KIF16B: variants seen among roughly 807,000 people sequenced by gnomAD.
The protein encoded by KIF16B is kinesin-like protein KIF16B.
A neutral mutation model predicts 156.3 loss-of-function variants in KIF16B; 98 were observed. The observed-to-expected ratio is 0.63, with a 90% CI of 0.53 to 0.74. The LOEUF is 0.74. Ranked by LOEUF, KIF16B falls within the 30% of genes least tolerant of loss-of-function variation. The pLI is 0.00. For missense variants in KIF16B, 1,421 were observed against 1,606.5 expected (o/e 0.88, Z 1.97); for synonymous variants, 564 against 583.7 (o/e 0.97, Z 0.49).
intron 1 of KIF16B, among the ~76,000 whole-genome samples, chr20:16,540,594 T>C (rs921162333): frequency 2.0e-5 from 3 of 152,150 alleles, no homozygotes; most frequent in Admixed American, 2.0e-4. Flanking sequence ...CTGAGTATCC[T>C]CATGCACTGC....
At chr20:16,557,206 A>C (rs1600694780) in intron 1 of KIF16B, among the ~76,000 whole-genome samples, 1 of 151,588 alleles carries the variant, frequency 6.6e-6, no homozygotes, top group Non-Finnish European at 1.5e-5. Context: ...TTTGAGATGG[A>C]GTCTCTCTCT....
chr20:16,298,958 C>G (rs533315330), intron 25 of KIF16B, among the ~76,000 whole-genome samples: 1 of 151,156 alleles, frequency 6.6e-6, no homozygotes, highest in Admixed American at 6.6e-5. Context: ...ACCAGAAAGA[C>G]GTATCAACCA....
chr20:16,545,765 T>A (rs779218161), intron 1 of KIF16B, among the ~76,000 whole-genome samples: 2 of 152,224 alleles, frequency 1.3e-5, no homozygotes, highest in Non-Finnish European at 2.9e-5. Context: ...GACTATTCAA[T>A]GCCCAAAGAC....
chr20:16,501,572 G>A (rs555294436), intron 10 of KIF16B, among the ~76,000 whole-genome samples: 6 of 152,112 alleles, frequency 3.9e-5, no homozygotes, highest in East Asian at 1.9e-4. Flanking sequence ...AGCAGTAACA[G>A]CCCGAAATAG....
At chr20:16,294,336 G>C (rs187190436) in intron 25 of KIF16B, among the ~76,000 whole-genome samples, 124 of 152,316 alleles carry the variant, frequency 8.1e-4, no homozygotes, top group Non-Finnish European at 1.4e-3. Flanking sequence ...AGCAGAGCCT[G>C]AGGCAGTATT....
chr20:16,454,482 T>C (rs1266497770), intron 12 of KIF16B, among the ~76,000 whole-genome samples: 1 of 151,642 alleles, frequency 6.6e-6, no homozygotes, highest in East Asian at 1.9e-4. Context: ...GAAAGGTATA[T>C]ACAGATAAAC....
At chr20:16,308,963 A>C (rs554741024) in intron 25 of KIF16B, among the ~76,000 whole-genome samples, 2 of 152,358 alleles carry the variant, frequency 1.3e-5, no homozygotes, top group South Asian at 4.1e-4. Context: ...GAATGTCTGG[A>C]GCCTGGGAAG....
At chr20:16,543,430 C>T (rs1600665970) in intron 1 of KIF16B, among the ~76,000 whole-genome samples, 3 of 152,280 alleles carry the variant, frequency 2.0e-5, no homozygotes, top group Middle Eastern at 6.8e-3. Context: ...TGACTATTTT[C>T]CCACTTTTCC....
chr20:16,570,430 T>G (rs2071412592), intron 1 of KIF16B, among the ~76,000 whole-genome samples: 1 of 152,208 alleles, frequency 6.6e-6, no homozygotes, highest in South Asian at 2.1e-4. Context: ...TCCCTTATGC[T>G]TCCGTGATCA....
chr20:16,369,925 A>G (rs1464034276), intron 22 of KIF16B, among the ~76,000 whole-genome samples: 1 of 152,234 alleles, frequency 6.6e-6, no homozygotes, highest in African/African-American at 2.4e-5. Flanking sequence ...GAAAGATCAC[A>G]TCATTACTGG....
chr20:16,337,097 G>C (rs184396753), intron 23 of KIF16B, among the ~76,000 whole-genome samples: 224 of 152,292 alleles, frequency 1.5e-3, no homozygotes, highest in Non-Finnish European at 2.6e-3. Flanking sequence ...CCTGCCCACA[G>C]CAGCCTGTCT....
rs191867211 is a variant in KIF16B at position 16,279,243 on chromosome 20, G to T, written c.3796-5832C>A. 3.3e-5 allele frequency among the ~76,000 whole-genome samples: 5 copies of T among 152,242 alleles called. No homozygotes were observed. In the East Asian group the frequency reaches 9.7e-4, roughly 29 times the overall value. ...AGCTTTTCCCATGATATTCTGGGTG[G>T]ACACCTTACAGCCAAAGAGCTAATC... On this transcript the variant is annotated intron_variant, in intron 25 of 25. Transcript: ENST00000354981.
At chr20:16,426,683 T>C (rs974195955) in intron 15 of KIF16B, among the ~76,000 whole-genome samples, 4 of 152,034 alleles carry the variant, frequency 2.6e-5, no homozygotes, top group Admixed American at 2.6e-4. Context: ...GTCTATGATA[T>C]TGAAGTTATT....
At chr20:16,510,523 G>C (rs147904095) in intron 6 of KIF16B, among the ~76,000 whole-genome samples, 2,865 of 152,160 alleles carry the variant, frequency 0.019, 49 homozygotes, top group Non-Finnish European at 0.031. Context: ...GGTGGCAGGC[G>C]CCTGTAATCC....
chr20:16,448,241 G>A (rs2057239), intron 12 of KIF16B, among the ~76,000 whole-genome samples: 92,314 of 152,076 alleles, frequency 0.61, 28,847 homozygotes, highest in African/African-American at 0.77. Flanking sequence ...ACGGGAAGGG[G>A]CGGAAAGAAA....
intron 23 of KIF16B, among the ~76,000 whole-genome samples, chr20:16,337,670 T>C (rs372270985): frequency 2.6e-5 from 4 of 152,200 alleles, no homozygotes; most frequent in Non-Finnish European, 5.9e-5. Flanking sequence ...TGTGAGCTGG[T>C]TGGCCTTCCT....
In KIF16B at chr20:16,293,925, G is replaced by A. The variant is rs560931441; in HGVS notation, c.3795+18410C>T. Among the ~76,000 whole-genome samples, 1,075 of 152,206 alleles carry A rather than the reference G, an allele frequency of 7.1e-3. 4 individuals carry two copies. The highest frequency in any genetic ancestry group is 0.011 in the Non-Finnish European group (737 of 68,006). On this transcript the variant is annotated intron_variant, in intron 25 of 25. Transcript: ENST00000354981. ...TGAATATATGAGGAGAGGGGCTGCGGGGGGTGCATGCTGGGGAGCCATCAT... is the reference window on the plus strand; with the variant it reads ...TGAATATATGAGGAGAGGGGCTGCGAGGGGTGCATGCTGGGGAGCCATCAT...
chr20:16,404,108 C>G (rs1370416862), intron 17 of KIF16B, among the ~76,000 whole-genome samples: 1 of 152,158 alleles, frequency 6.6e-6, no homozygotes, highest in Non-Finnish European at 1.5e-5. Context: ...AATGACAGTT[C>G]TAGAAAATGT....
At chr20:16,413,101 T>G (rs2066000125) in intron 15 of KIF16B, among the ~76,000 whole-genome samples, 1 of 152,134 alleles carries the variant, frequency 6.6e-6, no homozygotes, top group East Asian at 1.9e-4. Context: ...CCATTTGGTC[T>G]GAGGTCAGTG....
Sources: gnomAD v4.1 joint callset for allele counts (sites outside exome capture counted in the v4.1 genomes callset) on GRCh38, gnomAD v4.1.1 for gene constraint, MANE v1.5 for transcripts, NCBI Gene and HGNC (gene_info 2026-07-23, HGNC 2026-07-21) for gene names.